The following SYNE2 variants were observed in gnomAD, a reference collection of about 807,000 sequenced individuals.
The protein encoded by SYNE2 is nesprin-2.
SYNE2 carries 431 observed loss-of-function variants against 856.3 expected under a neutral mutation model. The observed-to-expected ratio is 0.50, with a 90% CI of 0.47 to 0.55. SYNE2 has a LOEUF of 0.55. Among genes scored for constraint, SYNE2 ranks in the 20% least tolerant of loss-of-function variants. The probability of loss-of-function intolerance (pLI) is 0.00; values close to 1 mark genes in which losing one functional copy is unlikely to be tolerated. For synonymous variants in SYNE2, 2,923 were observed against 2,872.3 expected (o/e 1.02, Z -0.56); for missense variants, 8,129 against 8,023.2 (o/e 1.01, Z -0.50).
rs371936846 is a variant in SYNE2, at chr14:63,944,989, G to A, written c.408+2846G>A. Among the ~76,000 whole-genome samples, 50 of 150,776 alleles carry A rather than the reference G, an allele frequency of 3.3e-4. No individual in the cohort carries two copies. The East Asian group carries it at 8.2e-3, about 25-fold the overall frequency. Reference sequence around the variant, plus strand: ...TGCCTGGCTAATTTTTGTAGTTTTAGTAGAGACTGAGTTTCACCATGTTGG... The same window carrying A: ...TGCCTGGCTAATTTTTGTAGTTTTAATAGAGACTGAGTTTCACCATGTTGG... On this transcript the variant is annotated intron_variant, in intron 6 of 115. Transcript: ENST00000555002.
chr14:64,079,121 G>A (rs769113682), intron 55 of SYNE2, among the ~76,000 whole-genome samples: 6 of 152,182 alleles, frequency 3.9e-5, no homozygotes, highest in Non-Finnish European at 7.3e-5. Context: ...AAACTTCTGA[G>A]AGCCTGTGAT....
At chr14:63,806,473 G>A (rs571290158) in intron 1 of SYNE2, among the ~76,000 whole-genome samples, 2 of 152,274 alleles carry the variant, frequency 1.3e-5, no homozygotes, top group East Asian at 1.9e-4. Flanking sequence ...GTATCAGAGT[G>A]ATGCTGGTCT....
At chr14:64,086,202 G>T (rs2097560045) in intron 57 of SYNE2, among the ~76,000 whole-genome samples, 1 of 152,140 alleles carries the variant, frequency 6.6e-6, no homozygotes, top group African/African-American at 2.4e-5. Context: ...TGTGATTGAA[G>T]GATCAAAGTT....
At position 64,224,526 on chromosome 14, in the gene SYNE2, C is replaced by T. The variant is rs546213944; in HGVS notation, c.20448C>T (p.Ser6816=). 82 of 1,614,126 alleles carry T rather than the reference C, an allele frequency of 5.1e-5. No homozygotes were observed. Among genetic ancestry groups the T allele is most frequent in the Middle Eastern group, 3.3e-4 (2 of 6,056 alleles). ...VDSGDQPPAT[S]VPAPRAKFRA... is the part of the protein sequence containing the mutation. ...CGGGGGACCAGCCTCCTGCAACATC[C>T]GTGCCAGCTCCCCGAGCAAAGGTAA... The change falls in exon 114 of 116, where the codon TCC becomes TCT. Residue 6816 remains serine, a synonymous_variant. Transcript: ENST00000555002.
chr14:64,132,413 G>A lies in SYNE2; in HGVS notation c.14489G>A (p.Gly4830Asp). 6.2e-7 allele frequency: 1 copy of A among 1,614,200 alleles called. No homozygotes were observed. Among genetic ancestry groups the A allele is most frequent in the Non-Finnish European group, 8.5e-7 (1 of 1,180,028 alleles). Residue 4830 changes from glycine (G) to aspartate (D), a missense_variant, in exon 77 of 116, where the codon GGT (glycine) becomes GAT (aspartate). Gly to Asp is a moderately conservative substitution (Grantham distance 94). Around this residue, in one of 3 missense-constraint regions of SYNE2, gnomAD observed 5,410 missense variants for 5,284.8 expected, o/e 1.02. Coordinates refer to ENST00000555002, the MANE Select transcript of SYNE2 (RefSeq NM_182914.3). ...KILEEKSRQC[G>D]MKLQSLLQKW... ...CTAGAAGAAAAGTCACGCCAATGTG[G>A]TATGAAGCTGCAGAGTTTGTTGCAG...
chr14:64,109,529 C>T (rs1166318523), intron 65 of SYNE2, among the ~76,000 whole-genome samples: 1 of 152,152 alleles, frequency 6.6e-6, no homozygotes, highest in Admixed American at 6.5e-5. Context: ...GAGTTTAAAA[C>T]CTGAGCTTTG....
At position 64,024,992 on chromosome 14, in the gene SYNE2, A is replaced by G; in HGVS notation, c.5921A>G (p.Glu1974Gly). The change falls in exon 40 of 116, where the codon GAG (glutamate) becomes GGG (glycine). Residue 1974 changes from glutamate (E) to glycine (G), a missense_variant. Coordinates refer to ENST00000555002, the MANE Select transcript of SYNE2 (RefSeq NM_182914.3). ...TGGAAAGGAATGGAAGAACCAGGGG[A>G]GAAAACTGAGCTGTTCTGCCAAGCT... is the stretch of plus-strand genomic sequence containing the variant. ...EKWKGMEEPG[E>G]KTELFCQALA... The G allele has an allele frequency of 1.2e-6, 2 of 1,614,104 alleles. No individual in the cohort carries two copies. The highest frequency in any genetic ancestry group is 1.1e-5 in the South Asian group (1 of 91,090).
At position 64,180,154 on chromosome 14, in the gene SYNE2, C is replaced by T. The variant is rs79287556; in HGVS notation, c.17556+2671C>T. Among the ~76,000 whole-genome samples, 662 of 152,236 alleles carry T rather than the reference C, an allele frequency of 4.3e-3. 7 individuals carry two copies. The highest frequency in any genetic ancestry group is 0.015 in the African/African-American group (642 of 41,528). On this transcript the variant is annotated intron_variant, in intron 96 of 115. Coordinates refer to ENST00000555002, the MANE Select transcript of SYNE2 (RefSeq NM_182914.3). ...ATGTCAAATACCAAATTTCCATAAA[C>T]GCAGGATTTGTTTCTCAGTTCTCTG...
At chr14:64,088,627 A>G (rs1595437589) in intron 58 of SYNE2, among the ~76,000 whole-genome samples, 1 of 152,334 alleles carries the variant, frequency 6.6e-6, no homozygotes, top group African/African-American at 2.4e-5. Flanking sequence ...ATTAAAAACA[A>G]GTGTAAAACA....
chr14:63,954,873 G>A lies in SYNE2; in HGVS notation c.745G>A (p.Ala249Thr). 1 of 1,613,836 alleles carries A rather than the reference G, an allele frequency of 6.2e-7. No homozygotes were observed. The highest frequency in any genetic ancestry group is 8.5e-7 in the Non-Finnish European group (1 of 1,179,944). Residue 249 changes from alanine (A) to threonine (T), a missense_variant, in exon 8 of 116, where the codon GCA becomes ACA. By Grantham distance (58) the Ala-to-Thr change is moderately conservative. Around this residue, in one of 3 missense-constraint regions of SYNE2, gnomAD observed 2,422 missense variants for 2,357.4 expected, o/e 1.03. Transcript: ENST00000555002. ...CAATCTGAGAGAGGCCTTCAGAATT[G>A]CAGAACAAGAATTAAAAATCCCCAG... is the stretch of plus-strand genomic sequence containing the variant. ...KDNLREAFRI[A>T]EQELKIPRLL... is the part of the protein sequence containing the mutation.
chr14:63,865,710 A>ACCCC (rs1429490991), intron 1 of SYNE2, among the ~76,000 whole-genome samples: 21 of 27,116 alleles, frequency 7.7e-4, no homozygotes, highest in Non-Finnish European at 1.3e-3. Context: ...AAAACTCTGT[A>ACCCC]CCCACCCCCC....
intron 24 of SYNE2, 35 bp downstream of exon 24, chr14:63,997,193 T>A: frequency 6.2e-7 from 1 of 1,603,490 alleles, no homozygotes; most frequent in Non-Finnish European, 8.5e-7. Flanking sequence ...CCCTTCAGGA[T>A]AAAACGAAGC....
At chr14:64,113,177 G>A (rs940238545) in intron 65 of SYNE2, 164 bp from the exon 66 acceptor site, 51 of 985,258 alleles carry the variant, frequency 5.2e-5, no homozygotes, top group Non-Finnish European at 5.8e-5. Flanking sequence ...ACCAGGTCAC[G>A]TGATTGTTGC....
chr14:64,128,224 G>A (rs1242034798), intron 73 of SYNE2, among the ~76,000 whole-genome samples: 1 of 152,096 alleles, frequency 6.6e-6, no homozygotes, highest in African/African-American at 2.4e-5. Context: ...ATAGCCTGAA[G>A]GAAAGGAGAT....
At chr14:63,838,646 C>T (rs1186127653) in intron 1 of SYNE2, among the ~76,000 whole-genome samples, 1 of 151,982 alleles carries the variant, frequency 6.6e-6, no homozygotes, top group Non-Finnish European at 1.5e-5. Context: ...AGTAGCCAGA[C>T]TATAGGCACG....
chr14:63,782,467 C>CAAAAAAAA (rs35413633), intron 1 of SYNE2, among the ~76,000 whole-genome samples: 1 of 49,632 alleles, frequency 2.0e-5, no homozygotes, highest in Admixed American at 2.8e-4. Flanking sequence ...AACTCCATCT[C>CAAAAAAAA]AAAAAAAAAA....
chr14:64,161,992 C>A, intron 87 of SYNE2, 80 bp from the exon 88 acceptor site: 1 of 1,504,496 alleles, frequency 6.6e-7, no homozygotes. Flanking sequence ...TAGTAACTTA[C>A]CAGTAGAGTG....
chr14:64,213,226 C>G (rs2098650489), intron 105 of SYNE2, among the ~76,000 whole-genome samples: 1 of 152,238 alleles, frequency 6.6e-6, no homozygotes, highest in Admixed American at 6.5e-5. Context: ...CATGGCACTT[C>G]TGAGGCGCAT....
intron 11 of SYNE2, among the ~76,000 whole-genome samples, chr14:63,975,012 G>A (rs77286436): frequency 6.1e-4 from 91 of 149,516 alleles, no homozygotes; most frequent in Non-Finnish European, 1.1e-3. Flanking sequence ...GCTCTGTGAC[G>A]TCACTTAACA....
Sources: allele counts gnomAD v4.1 joint callset (sites outside exome capture counted in the v4.1 genomes callset), GRCh38; gene constraint gnomAD v4.1.1; regional missense constraint gnomAD v4.1.1; transcripts MANE v1.5; gene names NCBI Gene and HGNC (gene_info 2026-07-23, HGNC 2026-07-21).